Variants in YIPF4 observed in about 807,000 individuals in gnomAD.
The protein encoded by YIPF4 is Yip1 domain family member 4.
YIPF4 carries 18 observed loss-of-function variants against 29.4 expected under a neutral mutation model. That is an observed-to-expected ratio of 0.61 (90% CI 0.42 to 0.91). The LOEUF is 0.91. YIPF4 is among the 40% of genes least tolerant of loss of function. The pLI, the probability that YIPF4 is intolerant of heterozygous loss-of-function variation, is 0.00. For missense variants in YIPF4, 279 were observed against 282.7 expected, an observed-to-expected ratio of 0.99 and a Z score of 0.09; for synonymous variants, 115 against 104.7, an observed-to-expected ratio of 1.10 and a Z score of -0.60.
intron 1 of YIPF4, 134 bp downstream of exon 1, chr2:32,278,368 C>A: frequency 1.2e-6 from 1 of 845,632 alleles, no homozygotes; most frequent in Non-Finnish European, 1.8e-6. Context: ...CAGCCCACCA[C>A]GCCTGCCGGG....
At chr2:32,289,796 A>G (rs1038865820) in intron 1 of YIPF4, among the ~76,000 whole-genome samples, 2 of 147,514 alleles carry the variant, frequency 1.4e-5, no homozygotes, top group Non-Finnish European at 2.9e-5. Flanking sequence ...CTAAAAAATA[A>G]AAACAAAAAG....
chr2:32,287,935 C>T (rs1031225245), intron 1 of YIPF4, among the ~76,000 whole-genome samples: 3 of 151,946 alleles, frequency 2.0e-5, no homozygotes, highest in Non-Finnish European at 4.4e-5. Flanking sequence ...AAGAATTAAC[C>T]TAAAATTCAT....
intron 3 of YIPF4, among the ~76,000 whole-genome samples, chr2:32,297,013 G>T (rs189641338): frequency 1.9e-4 from 29 of 152,038 alleles, no homozygotes; most frequent in Admixed American, 7.2e-4. Context: ...ATTCTGTCTC[G>T]TTTCAACATA....
Position 32,310,110 on chromosome 2 carries a change from T to G in YIPF4, c.*4484T>G, listed in dbSNP as rs760306790. The G allele has an allele frequency of 6.6e-6, 1 of 152,258 alleles. No homozygotes were observed. Among genetic ancestry groups the G allele is most frequent in the Admixed American group, 6.5e-5 (1 of 15,280 alleles). 9.4% of individuals were successfully genotyped at this position (152,258 alleles called of 1,614,324 possible). A position where few individuals can be genotyped will look rare whatever the true frequency, so the allele number is the denominator to read the frequency against. On this transcript the variant is annotated 3_prime_UTR_variant, in exon 6 of 6. Transcript: ENST00000238831. Reference sequence around the variant, plus strand: ...TTACCCAATTCTCTGCACTGACATATGTACACAAAGTAATATTTTATTATT... The same window carrying G: ...TTACCCAATTCTCTGCACTGACATAGGTACACAAAGTAATATTTTATTATT...
Position 32,306,855 on chromosome 2 carries a change from G to C in YIPF4, c.*1229G>C. 4.6e-6 allele frequency: 1 copy of C among 217,760 alleles called. No individual in the cohort carries two copies. Among genetic ancestry groups the C allele is most frequent in the East Asian group, 1.6e-4 (1 of 6,282 alleles). The allele number at this position is 217,760 out of a possible 1,614,324, so 13.5% of individuals were successfully genotyped here. On this transcript the variant is annotated 3_prime_UTR_variant, in exon 6 of 6. Transcript: ENST00000238831. ...CTGGTCTCACCTGGAAGAGTTTCCT[G>C]CTGTCCTCAGTATGATAACATGGCG...
In YIPF4 at chr2:32,305,570, A is replaced by T. The variant is rs145264226; in HGVS notation, c.679A>T (p.Ile227Phe). ...EEFKTKKPLL[I>F]YPIFLLYIYF... ...ATTCAAGACCAAAAAGCCTCTTCTGATTTATCCAATCTTTTTATTATACAT... is the reference window on the plus strand; with the variant it reads ...ATTCAAGACCAAAAAGCCTCTTCTGTTTTATCCAATCTTTTTATTATACAT... Residue 227 changes from isoleucine to phenylalanine, a missense_variant, in exon 6 of 6, where the codon ATT becomes TTT. Physicochemically the swap from Ile to Phe is conservative, Grantham distance 21. Transcript: ENST00000238831. 1.2e-6 allele frequency: 2 copies of T among 1,610,030 alleles called. No homozygotes were observed. Among genetic ancestry groups the T allele is most frequent in the Non-Finnish European group, 1.7e-6 (2 of 1,178,174 alleles).
chr2:32,290,395 A>T, intron 1 of YIPF4, 88 bp from the exon 2 acceptor site: 2 of 1,014,560 alleles, frequency 2.0e-6, no homozygotes, highest in Non-Finnish European at 2.7e-6. Context: ...TTCAAATGAT[A>T]ATTATTTTAG....
chr2:32,280,614 C>T (rs914239622), intron 1 of YIPF4, among the ~76,000 whole-genome samples: 4 of 151,998 alleles, frequency 2.6e-5, no homozygotes, highest in Admixed American at 6.6e-5. Context: ...GATCTCCTGA[C>T]CTCGTGATCT....
At chr2:32,280,496 A>G (rs2030351634) in intron 1 of YIPF4, among the ~76,000 whole-genome samples, 2 of 150,612 alleles carry the variant, frequency 1.3e-5, no homozygotes, top group Non-Finnish European at 2.9e-5. Context: ...TCTCTGCCTC[A>G]GCCTCCCGAG....
In YIPF4 at chr2:32,301,246, T is replaced by C. The variant is rs572341444; in HGVS notation, c.484-136T>C. 11 of 566,770 alleles carry C rather than the reference T, an allele frequency of 1.9e-5. No homozygotes were observed. The East Asian group carries it at 3.3e-4, about 17-fold the overall frequency. 35.1% of individuals were successfully genotyped at this position (566,770 alleles called of 1,614,324 possible). ...GAGACTATATGATATTTTGAAATAA[T>C]GAGTATAATAGTTTATGATTTCTTC... On this transcript the variant is annotated intron_variant, in intron 4 of 5. Transcript: ENST00000238831.
At chr2:32,288,044 A>C (rs887753617) in intron 1 of YIPF4, among the ~76,000 whole-genome samples, 1 of 152,114 alleles carries the variant, frequency 6.6e-6, no homozygotes, top group African/African-American at 2.4e-5. Flanking sequence ...AGTAATTTTT[A>C]ATTGTTTTTC....
At chr2:32,298,135 G>T in intron 3 of YIPF4, 99 bp from the exon 4 acceptor site, 2 of 862,940 alleles carry the variant, frequency 2.3e-6, no homozygotes. Flanking sequence ...CCTGAAATTG[G>T]GCATGCTAAA....
intron 1 of YIPF4, among the ~76,000 whole-genome samples, chr2:32,283,074 CAAA>C (rs78012507): frequency 1.0e-4 from 7 of 68,786 alleles, no homozygotes; most frequent in Admixed American, 1.7e-4. Flanking sequence ...GAGACTGTCT[CAAA>C]AAAAAAAAAA....
chr2:32,284,983 G>A (rs1342601627), intron 1 of YIPF4, among the ~76,000 whole-genome samples: 1 of 152,110 alleles, frequency 6.6e-6, no homozygotes, highest in Admixed American at 6.6e-5. Flanking sequence ...TGAAATATTT[G>A]CATCTTAGAA....
At position 32,314,389 on chromosome 2, in the gene YIPF4, C is replaced by T. The variant is rs1322783126; in HGVS notation, c.*8763C>T. 6.6e-6 allele frequency: 1 copy of T among 152,102 alleles called. No individual in the cohort carries two copies. 9.4% of individuals were successfully genotyped at this position (152,102 alleles called of 1,614,324 possible). A position where few individuals can be genotyped will look rare whatever the true frequency, so the allele number is the denominator to read the frequency against. On this transcript the variant is annotated 3_prime_UTR_variant, in exon 6 of 6. Coordinates refer to ENST00000238831, the MANE Select transcript of YIPF4 (RefSeq NM_032312.4). ...GTCTTTTAAAACAGCTTTAGAATTCCTTGGCCAGGTGCGGTGGCTTACGCC... is the reference window on the plus strand; with the variant it reads ...GTCTTTTAAAACAGCTTTAGAATTCTTTGGCCAGGTGCGGTGGCTTACGCC...
chr2:32,282,055 C>A (rs1463450246), intron 1 of YIPF4, among the ~76,000 whole-genome samples: 1 of 150,886 alleles, frequency 6.6e-6, no homozygotes, highest in Non-Finnish European at 1.5e-5. Flanking sequence ...AAAGCAAGAC[C>A]CTGGCTGAAA....
chr2:32,291,937 G>A (rs765188073), intron 2 of YIPF4, among the ~76,000 whole-genome samples: 4 of 152,130 alleles, frequency 2.6e-5, no homozygotes, highest in South Asian at 2.1e-4. Context: ...AACACTTGGC[G>A]TCACTCCAGG....
At chr2:32,303,468 G>T (rs961975744) in intron 5 of YIPF4, among the ~76,000 whole-genome samples, 1 of 152,098 alleles carries the variant, frequency 6.6e-6, no homozygotes, top group Non-Finnish European at 1.5e-5. Context: ...CAGCAGTTTG[G>T]CAGGCCGAGG....
intron 1 of YIPF4, among the ~76,000 whole-genome samples, chr2:32,281,334 T>G (rs957168388): frequency 6.6e-6 from 1 of 152,012 alleles, no homozygotes; most frequent in Non-Finnish European, 1.5e-5. Flanking sequence ...CTCCACCTCC[T>G]GGGATCAAGT....
Sources: gnomAD v4.1 joint callset for allele counts (sites outside exome capture counted in the v4.1 genomes callset) on GRCh38, gnomAD v4.1.1 for gene constraint, MANE v1.5 for transcripts, NCBI Gene and HGNC (gene_info 2026-07-23, HGNC 2026-07-21) for gene names.